The following KCNMB2 variants were observed in gnomAD, a reference collection of about 807,000 sequenced individuals.
KCNMB2 encodes the protein potassium calcium-activated channel subfamily M regulatory beta subunit 2, also known as calcium-activated potassium channel subunit beta-2.
In KCNMB2, 9 loss-of-function variants were observed where a neutral mutation model predicts 24.5. That is an observed-to-expected ratio of 0.37 (90% confidence interval 0.22 to 0.64). The LOEUF (loss-of-function observed/expected upper bound fraction) is 0.64, where lower values mean the gene tolerates loss of function less well. KCNMB2 is among the 30% of genes least tolerant of loss of function. The pLI is 0.63. For synonymous variants in KCNMB2, 109 were observed against 104.4 expected (o/e 1.04, Z -0.27); for missense variants, 226 against 284.3 (o/e 0.79, Z 1.47).
chr3:178,835,292 G>A (rs953522582), intron 4 of KCNMB2, among the ~76,000 whole-genome samples: 7 of 152,096 alleles, frequency 4.6e-5, no homozygotes, highest in African/African-American at 1.7e-4. Context: ...TACTTGGAAC[G>A]GTCCACTTGC....
chr3:178,701,332 C>A (rs1325627857), intron 1 of KCNMB2, among the ~76,000 whole-genome samples: 6 of 152,128 alleles, frequency 3.9e-5, no homozygotes, highest in African/African-American at 1.2e-4. Flanking sequence ...GTTTTGGTAC[C>A]AGTACCATGC....
At chr3:178,602,610 A>T (rs1424300612) in intron 1 of KCNMB2, among the ~76,000 whole-genome samples, 3 of 151,922 alleles carry the variant, frequency 2.0e-5, no homozygotes, top group African/African-American at 7.3e-5. Context: ...AGCCAGAGGG[A>T]CAAGGAGGAG....
intron 1 of KCNMB2, among the ~76,000 whole-genome samples, chr3:178,715,102 A>G (rs1252732294): frequency 6.6e-6 from 1 of 152,180 alleles, no homozygotes; most frequent in Non-Finnish European, 1.5e-5. Flanking sequence ...AAAAGAGAGA[A>G]AGAGAGAGTT....
chr3:178,549,888 C>A (rs1715891477), intron 1 of KCNMB2, among the ~76,000 whole-genome samples: 1 of 152,140 alleles, frequency 6.6e-6, no homozygotes, highest in South Asian at 2.1e-4. Flanking sequence ...ATCAGAATAA[C>A]AATAGTTTCC....
intron 4 of KCNMB2, among the ~76,000 whole-genome samples, chr3:178,840,656 G>A (rs1251361511): frequency 6.6e-6 from 1 of 152,236 alleles, no homozygotes; most frequent in East Asian, 1.9e-4. Flanking sequence ...CTTGGGGCTT[G>A]CACCCTCTGA....
intron 1 of KCNMB2, among the ~76,000 whole-genome samples, chr3:178,693,891 TC>T: frequency 1.3e-5 from 1 of 75,300 alleles, no homozygotes; most frequent in Non-Finnish European, 2.6e-5. Flanking sequence ...TTTTTCTTTT[TC>T]TTTTTTTTTT....
chr3:178,683,191 G>A lies in KCNMB2; in HGVS notation c.-67-124152G>A, dbSNP rs149542912. ...TTGCAGCAACATGAATGCAGCTAGA[G>A]ACCATTATCCTTAGAAAATTAATGC... is the stretch of plus-strand genomic sequence containing the variant. On this transcript the variant is annotated intron_variant, in intron 1 of 4. Transcript: ENST00000452583. 5.6e-3 allele frequency among the ~76,000 whole-genome samples: 852 copies of A among 152,192 alleles called. 12 individuals are homozygous for A. Among genetic ancestry groups the A allele is most frequent in the Middle Eastern group, 0.034 (10 of 294 alleles).
intron 1 of KCNMB2, among the ~76,000 whole-genome samples, chr3:178,755,307 G>A (rs1231827999): frequency 6.6e-6 from 1 of 152,180 alleles, no homozygotes; most frequent in Non-Finnish European, 1.5e-5. Context: ...CACACTTACT[G>A]TACAGTTTCA....
intron 1 of KCNMB2, among the ~76,000 whole-genome samples, chr3:178,667,127 A>T (rs1440910447): frequency 6.6e-6 from 1 of 151,996 alleles, no homozygotes; most frequent in Non-Finnish European, 1.5e-5. Context: ...ATGGGGGGTC[A>T]AGTGTACTTA....
In KCNMB2 at chr3:178,842,850, G is replaced by C. The variant is rs754854434; in HGVS notation, c.621G>C (p.Met207Ile). 6.2e-7 allele frequency: 1 copy of C among 1,613,970 alleles called. No individual in the cohort carries two copies. Among genetic ancestry groups the C allele is most frequent in the Admixed American group, 1.7e-5 (1 of 60,004 alleles). ...CACTCTTCTGGCCAACCTGTATGAT[G>C]GCTGGGGGTGTGGCAATTGTTGCCA... ...FHSLFWPTCMMAGGVAIVAMV... is the reference protein window; with the variant it reads ...FHSLFWPTCMIAGGVAIVAMV... Residue 207 changes from methionine to isoleucine, a missense_variant, in exon 5 of 5, where the codon ATG (methionine) becomes ATC (isoleucine). Coordinates refer to ENST00000452583, the MANE Select transcript of KCNMB2 (RefSeq NM_181361.3).
intron 1 of KCNMB2, among the ~76,000 whole-genome samples, chr3:178,620,761 G>A (rs754050906): frequency 9.9e-5 from 15 of 152,184 alleles, no homozygotes; most frequent in Non-Finnish European, 1.9e-4. Flanking sequence ...TAAGGATGCA[G>A]ATCTAACTCC....
chr3:178,619,320 G>A (rs1368634890), intron 1 of KCNMB2, among the ~76,000 whole-genome samples: 1 of 152,124 alleles, frequency 6.6e-6, no homozygotes, highest in Non-Finnish European at 1.5e-5. Context: ...TTGAACTTTA[G>A]AGACTAGAAG....
At chr3:178,595,491 A>G (rs942546394) in intron 1 of KCNMB2, among the ~76,000 whole-genome samples, 4 of 151,802 alleles carry the variant, frequency 2.6e-5, no homozygotes, top group Non-Finnish European at 5.9e-5. Context: ...CATAATCCCC[A>G]TGTGTTGTGG....
chr3:178,696,032 A>G (rs557367143), intron 1 of KCNMB2, among the ~76,000 whole-genome samples: 101 of 152,330 alleles, frequency 6.6e-4, no homozygotes, highest in African/African-American at 2.2e-3. Context: ...TAATTGACTC[A>G]CAGTTCAGCT....
At chr3:178,652,211 T>TA (rs1484981419) in intron 1 of KCNMB2, among the ~76,000 whole-genome samples, 2 of 152,146 alleles carry the variant, frequency 1.3e-5, no homozygotes, top group African/African-American at 4.8e-5. Flanking sequence ...ACAAGGAACT[T>TA]AAACGAATTT....
chr3:178,805,728 A>T (rs1713939709), intron 1 of KCNMB2, among the ~76,000 whole-genome samples: 1 of 152,004 alleles, frequency 6.6e-6, no homozygotes. Flanking sequence ...CTCCCAGGCT[A>T]AAGCTATCCT....
At chr3:178,825,491 G>C in intron 2 of KCNMB2, 97 bp from the exon 3 acceptor site, 1 of 974,992 alleles carries the variant, frequency 1.0e-6, no homozygotes, top group Non-Finnish European at 1.5e-6. Flanking sequence ...AGCAGGTTTG[G>C]AGGGCCCTAG....
intron 1 of KCNMB2, among the ~76,000 whole-genome samples, chr3:178,678,976 C>G (rs1320600160): frequency 9.4e-6 from 1 of 106,446 alleles, no homozygotes; most frequent in Non-Finnish European, 1.9e-5. Flanking sequence ...TTAATTATTG[C>G]TATAATTGGT....
At chr3:178,614,968 T>C (rs530587343) in intron 1 of KCNMB2, among the ~76,000 whole-genome samples, 2 of 152,342 alleles carry the variant, frequency 1.3e-5, no homozygotes, top group South Asian at 4.1e-4. Context: ...GTAAGCCATG[T>C]CTACTTTAGG....
Sources: allele counts gnomAD v4.1 joint callset (sites outside exome capture counted in the v4.1 genomes callset), GRCh38; gene constraint gnomAD v4.1.1; transcripts MANE v1.5; gene names NCBI Gene and HGNC (gene_info 2026-07-23, HGNC 2026-07-21).